Variants in PLXNA1 observed in about 807,000 individuals in gnomAD.
PLXNA1 encodes plexin A1, also known as plexin-A1.
Under a neutral mutation model 191.7 loss-of-function variants are expected in PLXNA1, and 77 were observed. The ratio of observed to expected loss-of-function variants is 0.40; its 90% CI spans 0.33 to 0.49. The LOEUF (loss-of-function observed/expected upper bound fraction) is 0.49. Ranked by LOEUF, PLXNA1 falls within the 20% of genes least tolerant of loss-of-function variation. The pLI is 0.63. For missense variants in PLXNA1, 2,110 were observed against 2,660.2 expected (o/e 0.79, Z 4.55); for synonymous variants, 1,137 against 1,156.4 (o/e 0.98, Z 0.34).
At position 127,027,931 on chromosome 3, in the gene PLXNA1, C is replaced by A. The variant is rs780711990; in HGVS notation, c.4363-9C>A. 6.2e-7 allele frequency: 1 copy of A among 1,613,068 alleles called. No individual in the cohort carries two copies. The highest frequency in any genetic ancestry group is 1.1e-5 in the South Asian group (1 of 91,074). ...TCCTGGCTGCAGCCTCATGCCGCCA[C>A]CCCCGCAGGAGTGCGCTGGGGAGCC... On this transcript the variant is annotated splice_polypyrimidine_tract_variant and intron_variant, in intron 23 of 31. Coordinates refer to ENST00000393409, the MANE Select transcript of PLXNA1 (RefSeq NM_032242.4).
At chr3:127,032,135 A>G (rs1023105277) in intron 29 of PLXNA1, among the ~76,000 whole-genome samples, 16 of 152,226 alleles carry the variant, frequency 1.1e-4, no homozygotes, top group African/African-American at 3.9e-4. Flanking sequence ...CCCTTGTGCA[A>G]ACGAGTGCGT....
intron 29 of PLXNA1, among the ~76,000 whole-genome samples, chr3:127,031,307 C>T (rs553357393): frequency 2.6e-5 from 4 of 152,314 alleles, no homozygotes; most frequent in African/African-American, 9.6e-5. Flanking sequence ...AGCAGACAAC[C>T]CCACCATTGC....
chr3:126,993,759 C>A (rs1211214283), intron 3 of PLXNA1, among the ~76,000 whole-genome samples: 1 of 152,082 alleles, frequency 6.6e-6, no homozygotes, highest in Non-Finnish European at 1.5e-5. Flanking sequence ...TGTTCGGAGG[C>A]CCCCCCAGGC....
chr3:127,027,326 G>C, intron 23 of PLXNA1: 1 of 316,300 alleles, frequency 3.2e-6, no homozygotes, highest in South Asian at 2.8e-5. Context: ...GCCCTGTGCT[G>C]TGTGCTTGGG....
intron 10 of PLXNA1, 46 bp from the exon 11 acceptor site, chr3:127,013,966 GGGAGGCCT>G: frequency 6.5e-7 from 1 of 1,527,214 alleles, no homozygotes; most frequent in Non-Finnish European, 9.1e-7. Context: ...CGTGAGGCTT[GGGAGGCCT>G]GGAGGCCGCT....
At position 127,014,033 on chromosome 3, in the gene PLXNA1, G is replaced by T. The variant is rs745711360; in HGVS notation, c.2327G>T (p.Gly776Val). 1 of 1,613,824 alleles carries T rather than the reference G, an allele frequency of 6.2e-7. No individual in the cohort carries two copies. Among genetic ancestry groups the T allele is most frequent in the Non-Finnish European group, 8.5e-7 (1 of 1,179,932 alleles). ...ATCACCTAACAGTACTCCTACGAGG[G>T]GAACGATGTCAGCGACCTGCCAGTG... ...QCQNSSYSYEGNDVSDLPVNL... is the reference protein window; with the variant it reads ...QCQNSSYSYEVNDVSDLPVNL... Residue 776 changes from glycine to valine, a missense_variant, in exon 11 of 32, where the codon GGG (glycine) becomes GTG (valine). By Grantham distance (109) the Gly-to-Val change is moderately radical. Transcript: ENST00000393409.
At chr3:127,030,143 C>T in intron 28 of PLXNA1, 79 bp downstream of exon 28, 1 of 1,586,372 alleles carries the variant, frequency 6.3e-7, no homozygotes. Flanking sequence ...AGAGCAAGGG[C>T]CTCACCCCCA....
Position 126,989,037 on chromosome 3 carries a change from A to G in PLXNA1, c.444A>G (p.Lys148=), listed in dbSNP as rs1449322516. Reference sequence around the variant, plus strand: ...TCCTGCGTCTGGACGATCTCTTCAAACTGGGTGAGCCACACCACCGTAAGG... The same window carrying G: ...TCCTGCGTCTGGACGATCTCTTCAAGCTGGGTGAGCCACACCACCGTAAGG... The part of the protein sequence containing the change: ...CQFLRLDDLF[K]LGEPHHRKEH... The change falls in exon 2 of 32, where the codon AAA becomes AAG. Residue 148 remains lysine, a synonymous_variant. Transcript: ENST00000393409. The G allele has an allele frequency of 6.2e-7, 1 of 1,613,276 alleles. No homozygotes were observed. Among genetic ancestry groups the G allele is most frequent in the South Asian group, 1.1e-5 (1 of 91,084 alleles).
At chr3:127,017,274 C>T in intron 17 of PLXNA1, 151 bp from the exon 18 acceptor site, 2 of 1,198,848 alleles carry the variant, frequency 1.7e-6, no homozygotes, top group Non-Finnish European at 2.3e-6. Flanking sequence ...GTCCCTGGTC[C>T]ACGTCGGGTG....
chr3:126,991,987 C>T (rs2078993259), intron 3 of PLXNA1, among the ~76,000 whole-genome samples: 1 of 152,200 alleles, frequency 6.6e-6, no homozygotes, highest in African/African-American at 2.4e-5. Context: ...TCTGCCGGGC[C>T]AGAGGCCTTG....
chr3:127,008,942 C>T (rs577769769), intron 9 of PLXNA1, among the ~76,000 whole-genome samples: 1 of 152,272 alleles, frequency 6.6e-6, no homozygotes, highest in Non-Finnish European at 1.5e-5. Flanking sequence ...CTGCCTATAA[C>T]AGTGGGTATG....
chr3:127,014,657 G>GCGGGA (rs762487629), intron 13 of PLXNA1, 28 bp downstream of exon 13: 29 of 1,611,824 alleles, frequency 1.8e-5, no homozygotes, highest in South Asian at 6.6e-5. Context: ...TGTGTGCGGG[G>GCGGGA]CGGGACGGGA....
rs78411776 is a variant in PLXNA1, at chr3:127,009,146, G to T, written c.2112+1233G>T. Among the ~76,000 whole-genome samples, 24 of 152,258 alleles carry T rather than the reference G, an allele frequency of 1.6e-4. No homozygotes were observed. The East Asian group carries it at 4.4e-3, about 28-fold the overall frequency. On this transcript the variant is annotated intron_variant, in intron 9 of 31. Coordinates refer to ENST00000393409, the MANE Select transcript of PLXNA1 (RefSeq NM_032242.4). ...GATGTGCAGATGCAGTGGCTTTGGC[G>T]CTGTGCGCAGCCCAGGGTTCGAGCA...
chr3:127,007,934 G>A (rs765410317), intron 9 of PLXNA1, 21 bp downstream of exon 9: 1 of 1,558,570 alleles, frequency 6.4e-7, no homozygotes, highest in South Asian at 1.1e-5. Flanking sequence ...GCAAGGGTGA[G>A]GGTCAGGTTT....
intron 27 of PLXNA1, 64 bp downstream of exon 27, chr3:127,029,600 C>G: frequency 6.5e-7 from 1 of 1,538,494 alleles, no homozygotes; most frequent in South Asian, 1.1e-5. Context: ...AGGACGTCCC[C>G]CGGGCTCCCA....
intron 29 of PLXNA1, among the ~76,000 whole-genome samples, chr3:127,031,660 G>T (rs974610050): frequency 6.6e-6 from 1 of 152,124 alleles, no homozygotes; most frequent in Non-Finnish European, 1.5e-5. Flanking sequence ...TCCCAGCTCC[G>T]CCCACTGCTC....
chr3:127,014,359 A>G lies in PLXNA1; in HGVS notation c.2588A>G (p.Asp863Gly), dbSNP rs773921532. 16 of 1,592,846 alleles carry G rather than the reference A, an allele frequency of 1.0e-5. 1 individual carries two copies. The South Asian group carries it at 1.6e-4, about 16-fold the overall frequency. ...CGTCACGGCAGCAGTCGCTGCACCG[A>G]CCCCAAGATCCTCAAGGTAGGGCCC... ...HARHGSSRCTDPKILKLSPET... is the reference protein window; with the variant it reads ...HARHGSSRCTGPKILKLSPET... Residue 863 changes from aspartate to glycine, a missense_variant, in exon 12 of 32, where the codon GAC (aspartate) becomes GGC (glycine). By Grantham distance (94) the Asp-to-Gly change is moderately conservative. Around this residue, in one of 4 missense-constraint regions of PLXNA1, gnomAD observed 644 missense variants for 714.3 expected, o/e 0.90. Transcript: ENST00000393409.
intron 31 of PLXNA1, among the ~76,000 whole-genome samples, chr3:127,033,350 G>T (rs995072123): frequency 2.6e-5 from 4 of 152,188 alleles, no homozygotes; most frequent in African/African-American, 9.6e-5. Flanking sequence ...GGACAGTCTC[G>T]GCCTGTGCCA....
At chr3:127,005,442 C>G (rs1307879032) in intron 7 of PLXNA1, among the ~76,000 whole-genome samples, 199 bp downstream of exon 7, 1 of 152,184 alleles carries the variant, frequency 6.6e-6, no homozygotes, top group Non-Finnish European at 1.5e-5. Flanking sequence ...AGAGTGAGAG[C>G]CTTCCTGCCA....
Sources: gnomAD v4.1 joint callset for allele counts (sites outside exome capture counted in the v4.1 genomes callset) on GRCh38, gnomAD v4.1.1 for gene constraint, gnomAD v4.1.1 regional missense constraint, MANE v1.5 for transcripts, NCBI Gene and HGNC (gene_info 2026-07-23, HGNC 2026-07-21) for gene names.